Variants in MAP9 observed in about 807,000 individuals in gnomAD.
The protein encoded by MAP9 is microtubule-associated protein 9.
MAP9 carries 80 observed loss-of-function variants against 75.2 expected under a neutral mutation model. The observed-to-expected ratio is 1.06, with a 90% CI of 0.89 to 1.28. The LOEUF is 1.28. MAP9 is among the 50% of genes most tolerant of loss of function. The pLI, the probability that MAP9 is intolerant of heterozygous loss-of-function variation, is 0.00. For missense variants in MAP9, 753 were observed against 719.9 expected, an observed-to-expected ratio of 1.05 and a Z score of -0.53; for synonymous variants, 235 against 237.3, an observed-to-expected ratio of 0.99 and a Z score of 0.09.
intron 5 of MAP9, chr4:155,362,423 A>T (rs1378256720): frequency 7.7e-6 from 2 of 261,158 alleles, no homozygotes; most frequent in Middle Eastern, 1.2e-3. Flanking sequence ...AATTTTCAAA[A>T]CTCCTATTAC....
rs1375815089 is a variant in MAP9, at chr4:155,373,116, C to T, written c.481+20G>A. The T allele has an allele frequency of 1.4e-6, 2 of 1,466,478 alleles. No homozygotes were observed. The highest frequency in any genetic ancestry group is 1.8e-6 in the Non-Finnish European group (2 of 1,093,552). 90.8% of individuals were successfully genotyped at this position (1,466,478 alleles called of 1,614,324 possible). ...AATAAACTTCCAAGAAATGCAATTA[C>T]AGTAATCCTAACAAATTACCTGAAG... On this transcript the variant is annotated intron_variant, in intron 4 of 13. Transcript: ENST00000311277.
At chr4:155,352,548 CA>C in intron 13 of MAP9, 47 bp downstream of exon 13, 1 of 1,536,070 alleles carries the variant, frequency 6.5e-7, no homozygotes, top group Non-Finnish European at 8.8e-7. Context: ...AGAAAAGACA[CA>C]AAAGGTACAT....
rs759651665 is a variant in MAP9 at position 155,360,329 on chromosome 4, T to C, written c.889A>G (p.Thr297Ala). ...ENSFSADHVT[T>A]AVEKSKESQV... is the part of the protein sequence containing the mutation. ...CTTTCCTTGGATTTCTCAACTGCAG[T>C]AGTCACATGGTCTGCTGAAAATGAA... Residue 297 changes from threonine (T) to alanine (A), a missense_variant, in exon 7 of 14, where the codon ACT (threonine) becomes GCT (alanine). Physicochemically the swap from Thr to Ala is moderately conservative, Grantham distance 58. Coordinates refer to ENST00000311277, the MANE Select transcript of MAP9 (RefSeq NM_001039580.2). 3 of 1,612,734 alleles carry C rather than the reference T, an allele frequency of 1.9e-6. No homozygotes were observed. The South Asian group carries it at 3.3e-5, about 18-fold the overall frequency.
intron 8 of MAP9, among the ~76,000 whole-genome samples, chr4:155,356,697 T>C (rs1250946134): frequency 6.6e-6 from 1 of 152,170 alleles, no homozygotes; most frequent in Non-Finnish European, 1.5e-5. Flanking sequence ...GCTGTAATCA[T>C]TCATGTTAAG....
chr4:155,374,554 G>T (rs527318680), intron 3 of MAP9, among the ~76,000 whole-genome samples: 1 of 152,248 alleles, frequency 6.6e-6, no homozygotes, highest in East Asian at 1.9e-4. Context: ...CTTCTAATGT[G>T]CACCGAAGTT....
intron 4 of MAP9, 62 bp from the exon 5 acceptor site, chr4:155,368,874 C>G: frequency 7.3e-7 from 1 of 1,369,120 alleles, no homozygotes; most frequent in East Asian, 2.3e-5. Context: ...ATCTATCTCT[C>G]TGGGTGCTAC....
chr4:155,354,957 T>A (rs1238264857), intron 10 of MAP9, 114 bp downstream of exon 10: 1 of 494,042 alleles, frequency 2.0e-6, no homozygotes, highest in Non-Finnish European at 3.6e-6. Context: ...AATCATTTCT[T>A]TAATATACAA....
rs1179466659 is a variant in MAP9, at chr4:155,360,263, C to G, written c.955G>C (p.Ala319Pro). Residue 319 changes from alanine to proline, a missense_variant, in exon 7 of 14, where the codon GCG becomes CCG. Transcript: ENST00000311277. ...ADDLEEEKAK[A>P]ELIMDDDRTV... ...CTGTCATCATCCATAATCAGTTCCGCTTTTGCCTTTTCTTCTTCAAGGTCA... is the reference window on the plus strand; with the variant it reads ...CTGTCATCATCCATAATCAGTTCCGGTTTTGCCTTTTCTTCTTCAAGGTCA... 3 of 1,613,234 alleles carry G rather than the reference C, an allele frequency of 1.9e-6. No individual in the cohort carries two copies. The Admixed American group carries it at 5.0e-5, about 27-fold the overall frequency.
At chr4:155,363,779 G>A (rs188258337) in intron 5 of MAP9, among the ~76,000 whole-genome samples, 8 of 152,054 alleles carry the variant, frequency 5.3e-5, no homozygotes, top group Admixed American at 2.6e-4. Flanking sequence ...ATCTGTAAAC[G>A]TGAAGACTAA....
chr4:155,350,386 G>C, intron 13 of MAP9: 1 of 283,364 alleles, frequency 3.5e-6, no homozygotes, highest in Non-Finnish European at 6.8e-6. Flanking sequence ...AGGAATTCTT[G>C]TTCTTCAGAG....
At chr4:155,374,088 C>T (rs1486440327) in intron 3 of MAP9, among the ~76,000 whole-genome samples, 1 of 152,116 alleles carries the variant, frequency 6.6e-6, no homozygotes, top group Non-Finnish European at 1.5e-5. Context: ...CACCTATAAT[C>T]CCAGCACTTT....
At chr4:155,374,003 T>C (rs1157611879) in intron 3 of MAP9, among the ~76,000 whole-genome samples, 1 of 152,220 alleles carries the variant, frequency 6.6e-6, no homozygotes, top group African/African-American at 2.4e-5. Flanking sequence ...TGGTTATTAC[T>C]GGTTTTACAG....
intron 4 of MAP9, among the ~76,000 whole-genome samples, chr4:155,370,393 A>G (rs1184851946): frequency 1.3e-5 from 2 of 152,120 alleles, no homozygotes; most frequent in Non-Finnish European, 2.9e-5. Context: ...CATAAAACGG[A>G]TTTTATGGTT....
At chr4:155,361,952 T>G in intron 6 of MAP9, 96 bp downstream of exon 6, 1 of 747,302 alleles carries the variant, frequency 1.3e-6, no homozygotes, top group Non-Finnish European at 2.2e-6. Flanking sequence ...AAACATATAT[T>G]TCTCTTATAA....
rs1001131837 is a variant in MAP9, at chr4:155,344,709, A to T, written c.*3074T>A. The T allele has an allele frequency of 1.3e-5, 2 of 151,894 alleles. No homozygotes were observed. The highest frequency in any genetic ancestry group is 2.4e-5 in the African/African-American group (1 of 41,430). The allele number at this position is 151,894 out of a possible 1,614,324, so 9.4% of individuals were successfully genotyped here. ...ACTTTCTTTCATTAAGAAAACTTTA[A>T]CCTCTTGATCTAAAATGCCATATTG... On this transcript the variant is annotated 3_prime_UTR_variant, in exon 14 of 14. Coordinates refer to ENST00000311277, the MANE Select transcript of MAP9 (RefSeq NM_001039580.2).
intron 13 of MAP9, 106 bp downstream of exon 13, chr4:155,352,490 G>A: frequency 9.1e-7 from 1 of 1,104,056 alleles, no homozygotes; most frequent in South Asian, 1.4e-5. Context: ...CAGATTCCAG[G>A]TAGAAATGAT....
intron 13 of MAP9, chr4:155,352,235 G>A (rs1445343106): frequency 5.5e-6 from 1 of 182,284 alleles, no homozygotes; most frequent in East Asian, 1.8e-4. Context: ...TTTTTGTCAT[G>A]ACCAAGTTCC....
At position 155,347,876 on chromosome 4, in the gene MAP9, T is replaced by C; in HGVS notation, c.1851A>G (p.Glu617=). 6.4e-7 allele frequency: 1 copy of C among 1,565,786 alleles called. No individual in the cohort carries two copies. Among genetic ancestry groups the C allele is most frequent in the Admixed American group, 1.7e-5 (1 of 58,328 alleles). ...LENKEKQERI[E]RKQKKRHSFL... ...AGGAATGACGTTTCTTCTGTTTTCG[T>C]TCAATTCTTTCTTGTTTTTCCTTAT... Residue 617 remains glutamate (E), a synonymous_variant, in exon 14 of 14, where the codon GAA becomes GAG. Transcript: ENST00000311277.
At chr4:155,370,076 C>T (rs1732526630) in intron 4 of MAP9, among the ~76,000 whole-genome samples, 1 of 152,190 alleles carries the variant, frequency 6.6e-6, no homozygotes, top group African/African-American at 2.4e-5. Context: ...AAGTAGCTGA[C>T]AATTTTAGCT....
Sources: allele counts gnomAD v4.1 joint callset (sites outside exome capture counted in the v4.1 genomes callset), GRCh38; gene constraint gnomAD v4.1.1; transcripts MANE v1.5; gene names NCBI Gene and HGNC (gene_info 2026-07-23, HGNC 2026-07-21).